The following HMCN1 variants were observed in gnomAD, a reference collection of about 807,000 sequenced individuals.
HMCN1 encodes hemicentin 1, also known as hemicentin-1.
Under a neutral mutation model 625.9 loss-of-function variants are expected in HMCN1, and 321 were observed. That is an observed-to-expected ratio of 0.51 (90% CI 0.47 to 0.56). The LOEUF (loss-of-function observed/expected upper bound fraction) is 0.56, where lower values mean the gene tolerates loss of function less well. Among genes scored for constraint, HMCN1 ranks in the 20% least tolerant of loss-of-function variants. HMCN1 has a pLI of 0.00. For synonymous variants in HMCN1, 2,425 were observed against 2,417.6 expected, an observed-to-expected ratio of 1.00 and a Z score of -0.09; for missense variants, 6,588 against 6,887.3, an observed-to-expected ratio of 0.96 and a Z score of 1.54.
At chr1:186,019,725 G>A in intron 35 of HMCN1, 30 bp downstream of exon 35, 25 of 1,580,498 alleles carry the variant, frequency 1.6e-5, no homozygotes, top group Non-Finnish European at 2.0e-5. Flanking sequence ...AGCCTAAACT[G>A]GGAAAGCTAC....
chr1:185,982,441 C>CTTT, intron 18 of HMCN1, 52 bp downstream of exon 18: 211 of 1,226,248 alleles, frequency 1.7e-4, no homozygotes, highest in Middle Eastern at 2.5e-4. Context: ...GTTTTCTTTT[C>CTTT]TTTTTTTTTT....
Position 185,971,289 on chromosome 1 carries a change from A to G in HMCN1, c.2371+796A>G, listed in dbSNP as rs114881134. ...AAAAATTCAATAGCAATTACTCTTCAGTGTATGAAATAAAGTACTACAAAA... is the reference window on the plus strand; with the variant it reads ...AAAAATTCAATAGCAATTACTCTTCGGTGTATGAAATAAAGTACTACAAAA... On this transcript the variant is annotated intron_variant, in intron 15 of 106. Coordinates refer to ENST00000271588, the MANE Select transcript of HMCN1 (RefSeq NM_031935.3). Among the ~76,000 whole-genome samples, 475 of 152,350 alleles carry G rather than the reference A, an allele frequency of 3.1e-3. 2 individuals carry two copies. Among genetic ancestry groups the G allele is most frequent in the African/African-American group, 0.011 (450 of 41,588 alleles).
chr1:186,011,937 A>T (rs535647891), intron 30 of HMCN1, among the ~76,000 whole-genome samples: 38 of 152,308 alleles, frequency 2.5e-4, no homozygotes, highest in Admixed American at 7.8e-4. Flanking sequence ...AAAGAAGTTC[A>T]GTCTCAGCCC....
chr1:185,893,235 G>T (rs138593131), intron 4 of HMCN1, among the ~76,000 whole-genome samples: 1 of 152,150 alleles, frequency 6.6e-6, no homozygotes, highest in Non-Finnish European at 1.5e-5. Context: ...AGATGAACCC[G>T]GTACATCAGA....
In HMCN1 at chr1:186,018,239, A is replaced by G; in HGVS notation, c.5357A>G (p.Asn1786Ser). ...DERDGFKILL[N>S]GRKLVIAQAQ... ...AGGGATGGATTCAAGATTTTATTAA[A>G]TGGACGCAAACTGGTTATTGCTCAG... Residue 1786 changes from asparagine to serine, a missense_variant, in exon 34 of 107, where the codon AAT becomes AGT. Transcript: ENST00000271588. 1.2e-6 allele frequency: 2 copies of G among 1,612,984 alleles called. No homozygotes were observed. The highest frequency in any genetic ancestry group is 1.7e-6 in the Non-Finnish European group (2 of 1,179,130).
At chr1:186,101,841 A>G (rs537947083) in intron 68 of HMCN1, among the ~76,000 whole-genome samples, 2 of 152,162 alleles carry the variant, frequency 1.3e-5, no homozygotes, top group South Asian at 4.1e-4. Flanking sequence ...CAGGAATTAG[A>G]TAAGTGTTTT....
intron 100 of HMCN1, among the ~76,000 whole-genome samples, chr1:186,169,187 C>A (rs752695703): frequency 9.2e-5 from 14 of 152,152 alleles, no homozygotes; most frequent in Non-Finnish European, 1.6e-4. Flanking sequence ...CAAACCACTG[C>A]TCAAGGAAAT....
At chr1:185,894,089 C>T (rs184793882) in intron 4 of HMCN1, among the ~76,000 whole-genome samples, 110 of 151,732 alleles carry the variant, frequency 7.2e-4, no homozygotes, top group East Asian at 1.7e-3. Context: ...GAGCCAAGAT[C>T]GCAACACTGC....
At chr1:185,959,350 T>A (rs181071079) in intron 11 of HMCN1, among the ~76,000 whole-genome samples, 1 of 152,312 alleles carries the variant, frequency 6.6e-6, no homozygotes, top group African/African-American at 2.4e-5. Context: ...CTAGTTTTTG[T>A]AGGCAGTGAG....
chr1:186,054,622 A>G (rs1036527239), intron 44 of HMCN1, among the ~76,000 whole-genome samples: 2 of 152,052 alleles, frequency 1.3e-5, no homozygotes, highest in African/African-American at 2.4e-5. Context: ...GCTTCAAGTA[A>G]CAGAATAACT....
Position 186,125,591 on chromosome 1 carries a change from A to T in HMCN1, c.12500-13A>T. ...TCAGCTTCCTGGATGACTCTTTTTT[A>T]AACTCTTCATAGTACCACCCAGGAT... On this transcript the variant is annotated splice_polypyrimidine_tract_variant and intron_variant, in intron 81 of 106. Coordinates refer to ENST00000271588, the MANE Select transcript of HMCN1 (RefSeq NM_031935.3). 1 of 1,604,342 alleles carries T rather than the reference A, an allele frequency of 6.2e-7. No individual in the cohort carries two copies. The highest frequency in any genetic ancestry group is 8.5e-7 in the Non-Finnish European group (1 of 1,171,238).
chr1:186,057,250 A>T lies in HMCN1; in HGVS notation c.7161A>T (p.Ile2387=). The part of the protein sequence containing the change: ...DLSVHAPPSI[I]GNHRSPENIS... ...GTCTTACAGCTCCTCCAAGCATCATAGGAAACCACAGGTCACCTGAAAATA... is the reference window on the plus strand; with the variant it reads ...GTCTTACAGCTCCTCCAAGCATCATTGGAAACCACAGGTCACCTGAAAATA... Residue 2387 remains isoleucine, a synonymous_variant, in exon 46 of 107, where the codon ATA becomes ATT. Transcript: ENST00000271588. 1 of 1,611,450 alleles carries T rather than the reference A, an allele frequency of 6.2e-7. No homozygotes were observed. The highest frequency in any genetic ancestry group is 1.1e-5 in the South Asian group (1 of 91,040).
intron 1 of HMCN1, among the ~76,000 whole-genome samples, chr1:185,806,938 T>C (rs1437540451): frequency 6.6e-6 from 1 of 152,184 alleles, no homozygotes; most frequent in Non-Finnish European, 1.5e-5. Flanking sequence ...TCTTAACATT[T>C]CATTTAATGA....
intron 17 of HMCN1, among the ~76,000 whole-genome samples, chr1:185,981,694 T>C (rs1651649967): frequency 6.6e-6 from 1 of 152,144 alleles, no homozygotes; most frequent in African/African-American, 2.4e-5. Flanking sequence ...TTAGTCTACA[T>C]ACACGTTTTC....
chr1:185,988,055 C>T (rs555207428), intron 20 of HMCN1, among the ~76,000 whole-genome samples: 2 of 152,258 alleles, frequency 1.3e-5, no homozygotes, highest in African/African-American at 4.8e-5. Flanking sequence ...GACGTGTTCA[C>T]TGTAATGTTG....
chr1:185,869,545 A>G (rs1663477232), intron 4 of HMCN1, among the ~76,000 whole-genome samples: 1 of 152,180 alleles, frequency 6.6e-6, no homozygotes, highest in South Asian at 2.1e-4. Context: ...AGAAGAATCC[A>G]GGAAGAGGCT....
chr1:186,075,007 A>G, intron 53 of HMCN1, 116 bp downstream of exon 53: 2 of 861,034 alleles, frequency 2.3e-6, no homozygotes, highest in Non-Finnish European at 3.6e-6. Flanking sequence ...ATATAAATTC[A>G]TGATTGAAAA....
chr1:186,176,589 T>G (rs951112177), intron 103 of HMCN1, among the ~76,000 whole-genome samples: 3 of 152,240 alleles, frequency 2.0e-5, no homozygotes, highest in African/African-American at 7.2e-5. Context: ...ATTGAGCACC[T>G]ACTTTGTGTT....
intron 1 of HMCN1, among the ~76,000 whole-genome samples, chr1:185,753,182 A>C (rs1011777115): frequency 6.6e-6 from 1 of 152,148 alleles, no homozygotes; most frequent in Non-Finnish European, 1.5e-5. Flanking sequence ...TAACTTCTTT[A>C]ATCTATAAAT....
Sources: gnomAD v4.1 joint callset for allele counts (sites outside exome capture counted in the v4.1 genomes callset) on GRCh38, gnomAD v4.1.1 for gene constraint, MANE v1.5 for transcripts, NCBI Gene and HGNC (gene_info 2026-07-23, HGNC 2026-07-21) for gene names.